NHSL2: variants seen among roughly 807,000 people sequenced by gnomAD.
The protein encoded by NHSL2 is NHS-like protein 2.
A neutral mutation model predicts 53.4 loss-of-function variants in NHSL2; 27 were observed. That is an observed-to-expected ratio of 0.51 (90% confidence interval 0.37 to 0.70). The LOEUF is 0.70. Among genes scored for constraint, NHSL2 ranks in the 30% least tolerant of loss-of-function variants. The pLI is 0.00. For missense variants in NHSL2, 892 were observed against 980.1 expected (o/e 0.91, Z 1.20); for synonymous variants, 408 against 404.1 (o/e 1.01, Z -0.12).
intron 1 of NHSL2, chrX:72,131,873 C>CGAGCGGAGCGGGAGG: frequency 3.0e-6 from 1 of 336,869 alleles, no homozygotes; most frequent in East Asian, 6.7e-5. Flanking sequence ...CGGGCAGGGG[C>CGAGCGGAGCGGGAGG]GAGCGGAGCG....
chrX:72,057,882 G>A, intron 1 of NHSL2, among the ~76,000 whole-genome samples: 1 of 112,544 alleles, frequency 8.9e-6, no homozygotes, highest in East Asian at 2.8e-4. Context: ...CTCAGAAAAA[G>A]GGGGGAAAAG....
intron 1 of NHSL2, among the ~76,000 whole-genome samples, chrX:72,014,844 A>G (rs147317658): frequency 3.2e-4 from 35 of 108,667 alleles, no homozygotes; most frequent in African/African-American, 9.1e-4. Context: ...CTGATTTTCT[A>G]TCTAGTAGGT....
chrX:71,935,239 C>CT (rs2041732398), intron 1 of NHSL2, among the ~76,000 whole-genome samples: 2 of 112,244 alleles, frequency 1.8e-5, no homozygotes, highest in African/African-American at 6.5e-5. Flanking sequence ...ACAACCATGG[C>CT]TGTACCCTCA....
intron 1 of NHSL2, among the ~76,000 whole-genome samples, chrX:72,091,072 T>C (rs1403476273): frequency 1.6e-4 from 18 of 112,110 alleles, no homozygotes; most frequent in Non-Finnish European, 7.5e-5. Context: ...CCAATGTTCA[T>C]GTGTTCTTTG....
chrX:71,920,260 T>A (rs2041650631), intron 1 of NHSL2, among the ~76,000 whole-genome samples: 1 of 112,217 alleles, frequency 8.9e-6, no homozygotes, highest in African/African-American at 3.2e-5. Flanking sequence ...ATTTTTCATT[T>A]TTTAATTACA....
intron 1 of NHSL2, among the ~76,000 whole-genome samples, chrX:71,972,923 C>T (rs770909888): frequency 9.3e-6 from 1 of 107,892 alleles, no homozygotes; most frequent in Non-Finnish European, 1.9e-5. Context: ...ACTGCTTTCA[C>T]AGGTCAAGAA....
intron 1 of NHSL2, among the ~76,000 whole-genome samples, chrX:72,077,095 C>T (rs907358169): frequency 1.8e-5 from 2 of 110,608 alleles, no homozygotes; most frequent in Non-Finnish European, 3.8e-5. Context: ...CAGAGATGTG[C>T]AATCCCCTCC....
At chrX:71,980,236 G>A (rs2041969303) in intron 1 of NHSL2, among the ~76,000 whole-genome samples, 1 of 111,720 alleles carries the variant, frequency 9.0e-6, no homozygotes, top group Non-Finnish European at 1.9e-5. Context: ...GATTGACTTG[G>A]CAATGCAGGC....
chrX:72,047,097 A>G (rs1412859104), intron 1 of NHSL2, among the ~76,000 whole-genome samples: 6 of 111,391 alleles, frequency 5.4e-5, no homozygotes, highest in Non-Finnish European at 1.1e-4. Context: ...AAGTTAAAAC[A>G]TGGTTGCACC....
At chrX:72,091,599 T>C (rs1311476380) in intron 1 of NHSL2, among the ~76,000 whole-genome samples, 1 of 111,498 alleles carries the variant, frequency 9.0e-6, no homozygotes, top group African/African-American at 3.3e-5. Context: ...CTTTTAAATG[T>C]GTGCTTGGAG....
chrX:72,091,014 G>A (rs2041892305), intron 1 of NHSL2, among the ~76,000 whole-genome samples: 2 of 111,590 alleles, frequency 1.8e-5, no homozygotes, highest in Admixed American at 1.9e-4. Flanking sequence ...TATCTGACCC[G>A]TCTCCTACTG....
At position 72,147,279 on chromosome X, in the gene NHSL2, C is replaced by T. The variant is rs758082291; in HGVS notation, c.*3705C>T. 2 of 112,376 alleles carry T rather than the reference C, an allele frequency of 1.8e-5. No individual in the cohort carries two copies. Among genetic ancestry groups the T allele is most frequent in the East Asian group, 5.6e-4 (2 of 3,580 alleles). 9.3% of individuals were successfully genotyped at this position (112,376 alleles called of 1,213,427 possible). A position where few individuals can be genotyped will look rare whatever the true frequency, so the allele number is the denominator to read the frequency against. On this transcript the variant is annotated 3_prime_UTR_variant, in exon 8 of 8. Transcript: ENST00000633930. Reference sequence around the variant, plus strand: ...TTAATATGATTTGCTAGGGCCAGGACTAGGGTGAGGTGAGCGAGGCACCTA... The same window carrying T: ...TTAATATGATTTGCTAGGGCCAGGATTAGGGTGAGGTGAGCGAGGCACCTA...
chrX:72,134,063 T>C, intron 2 of NHSL2, 28 bp from the exon 3 acceptor site: 6 of 1,163,485 alleles, frequency 5.2e-6, no homozygotes, highest in Middle Eastern at 2.4e-4. Flanking sequence ...CACCCTAGAG[T>C]GTGTGTCTCC....
At chrX:71,938,079 C>T (rs1461120522) in intron 1 of NHSL2, among the ~76,000 whole-genome samples, 15 of 112,382 alleles carry the variant, frequency 1.3e-4, no homozygotes, top group Admixed American at 3.8e-4. Context: ...CACCACGTCC[C>T]TACAAGGCAC....
chrX:72,091,262 G>A (rs1444434456), intron 1 of NHSL2, among the ~76,000 whole-genome samples: 1 of 111,628 alleles, frequency 9.0e-6, no homozygotes, highest in African/African-American at 3.3e-5. Flanking sequence ...GACCATCCTG[G>A]CTAACATGGT....
intron 1 of NHSL2, among the ~76,000 whole-genome samples, chrX:72,117,088 G>T (rs967805401): frequency 9.1e-6 from 1 of 110,361 alleles, no homozygotes; most frequent in African/African-American, 3.3e-5. Context: ...GATGATTGGG[G>T]TGGGCATGTG....
At chrX:71,996,721 A>T (rs1022548673) in intron 1 of NHSL2, among the ~76,000 whole-genome samples, 7 of 112,358 alleles carry the variant, frequency 6.2e-5, no homozygotes, top group African/African-American at 2.3e-4. Flanking sequence ...CCCATGCAGG[A>T]GTCTCTTGGA....
rs889250531 is a variant in NHSL2, at chrX:72,132,089, C to T, written c.291C>T (p.Asn97=). The T allele has an allele frequency of 1.5e-5, 18 of 1,167,193 alleles. No individual in the cohort carries two copies. The highest frequency in any genetic ancestry group is 1.9e-5 in the Non-Finnish European group (17 of 872,499). The change falls in exon 2 of 8, where the codon AAC becomes AAT. Residue 97 remains asparagine (N), a synonymous_variant. Coordinates refer to ENST00000633930, the MANE Select transcript of NHSL2 (RefSeq NM_001013627.3). ...EEDEEELAAA[N]SGRENATATA... is the part of the protein sequence containing the mutation. ...TCTCTCCTTCCCTAGCTGCAGCTAA[C>T]TCGGGTCGGGAAAATGCGACAGCGA...
At chrX:71,983,055 A>G (rs1364152459) in intron 1 of NHSL2, among the ~76,000 whole-genome samples, 1 of 111,499 alleles carries the variant, frequency 9.0e-6, no homozygotes, top group Non-Finnish European at 1.9e-5. Flanking sequence ...ACTGGAAGAC[A>G]TCTGTGTCTA....
Sources: allele counts gnomAD v4.1 joint callset (sites outside exome capture counted in the v4.1 genomes callset), GRCh38; gene constraint gnomAD v4.1.1; transcripts MANE v1.5; gene names NCBI Gene and HGNC (gene_info 2026-07-23, HGNC 2026-07-21).